The following NELL1 variants were observed in gnomAD, a reference collection of about 807,000 sequenced individuals.
The protein encoded by NELL1 is protein kinase C-binding protein NELL1.
In NELL1, 76 loss-of-function variants were observed where a neutral mutation model predicts 107.4. That is an observed-to-expected ratio of 0.71 (90% CI 0.59 to 0.86). The LOEUF (loss-of-function observed/expected upper bound fraction) is 0.86. NELL1 is among the 40% of genes least tolerant of loss of function. The pLI, the probability that NELL1 is intolerant of heterozygous loss-of-function variation, is 0.00. For synonymous variants in NELL1, 353 were observed against 341.2 expected, an observed-to-expected ratio of 1.03 and a Z score of -0.38; for missense variants, 1,024 against 1,005.5, an observed-to-expected ratio of 1.02 and a Z score of -0.25.
intron 14 of NELL1, among the ~76,000 whole-genome samples, chr11:21,309,281 T>TATATATATATATATATATATA (rs1849685009): frequency 1.5e-4 from 1 of 6,628 alleles, no homozygotes; most frequent in Non-Finnish European, 3.1e-4. Context: ...TATATATATG[T>TATATATATATATATATATATA]ATATATATAT....
intron 2 of NELL1, among the ~76,000 whole-genome samples, chr11:20,695,195 A>G (rs932357759): frequency 1.3e-5 from 2 of 152,084 alleles, no homozygotes; most frequent in South Asian, 2.1e-4. Flanking sequence ...ACCTTTTGGC[A>G]TAGTCTTCAG....
chr11:21,003,425 C>G (rs1852265832), intron 12 of NELL1, among the ~76,000 whole-genome samples: 2 of 152,122 alleles, frequency 1.3e-5, no homozygotes, highest in Admixed American at 1.3e-4. Flanking sequence ...TGCTAGGTCA[C>G]ATAAATCTTG....
At chr11:21,289,266 A>G (rs887948291) in intron 14 of NELL1, among the ~76,000 whole-genome samples, 1 of 152,218 alleles carries the variant, frequency 6.6e-6, no homozygotes, top group East Asian at 1.9e-4. Context: ...TCCCAGCAAG[A>G]TCAATGCAGA....
At chr11:21,059,501 G>T (rs191175463) in intron 12 of NELL1, among the ~76,000 whole-genome samples, 23 of 151,912 alleles carry the variant, frequency 1.5e-4, no homozygotes, top group African/African-American at 4.6e-4. Context: ...ATACCAAAAG[G>T]CATCCCAATA....
chr11:21,571,235 A>G (rs1407809765), intron 18 of NELL1, among the ~76,000 whole-genome samples: 1 of 151,958 alleles, frequency 6.6e-6, no homozygotes, highest in Non-Finnish European at 1.5e-5. Flanking sequence ...GAAGCTTTCA[A>G]AACCTTGACT....
intron 15 of NELL1, among the ~76,000 whole-genome samples, chr11:21,409,465 A>G (rs1400488552): frequency 6.6e-6 from 1 of 152,024 alleles, no homozygotes; most frequent in Non-Finnish European, 1.5e-5. Flanking sequence ...TAGCATTAGG[A>G]GATATACCTA....
chr11:21,467,738 A>C (rs1424834722), intron 15 of NELL1, among the ~76,000 whole-genome samples: 2 of 152,058 alleles, frequency 1.3e-5, no homozygotes, highest in East Asian at 1.9e-4. Flanking sequence ...GTGCTAAAGA[A>C]GGTATTACAA....
chr11:20,930,761 C>G (rs1358915980), intron 9 of NELL1, among the ~76,000 whole-genome samples: 1 of 148,374 alleles, frequency 6.7e-6, no homozygotes, highest in Non-Finnish European at 1.5e-5. Flanking sequence ...GAAAATAACT[C>G]AATTTTATTA....
rs535466560 is a variant in NELL1 at position 21,076,330 on chromosome 11, T to C, written c.1301-37259T>C. 2.8e-3 allele frequency among the ~76,000 whole-genome samples: 433 copies of C among 152,348 alleles called. 4 individuals carry two copies. The highest frequency in any genetic ancestry group is 9.8e-3 in the African/African-American group (409 of 41,588). On this transcript the variant is annotated intron_variant, in intron 12 of 19. Coordinates refer to ENST00000357134, the MANE Select transcript of NELL1 (RefSeq NM_006157.5). The stretch of plus-strand genomic sequence containing the variant: ...CCCCTCACTTTCATCCACTAGAGCC[T>C]GTAACTGTAAACAAGGTTTGGGACG...
chr11:20,955,318 C>T (rs954892701), intron 11 of NELL1, among the ~76,000 whole-genome samples: 1 of 152,214 alleles, frequency 6.6e-6, no homozygotes, highest in African/African-American at 2.4e-5. Flanking sequence ...CTGGATGTAA[C>T]TCATCTAGGC....
At chr11:20,671,778 G>A (rs1273344820) in intron 1 of NELL1, among the ~76,000 whole-genome samples, 1 of 151,898 alleles carries the variant, frequency 6.6e-6, no homozygotes, top group Non-Finnish European at 1.5e-5. Context: ...TTGATGGGGG[G>A]GGTGGTGGAG....
intron 13 of NELL1, among the ~76,000 whole-genome samples, chr11:21,200,734 C>G (rs1289228096): frequency 6.6e-6 from 1 of 152,106 alleles, no homozygotes; most frequent in Non-Finnish European, 1.5e-5. Flanking sequence ...ATGGTATTGC[C>G]TAGGTTTTCT....
chr11:20,871,941 C>T lies in NELL1; in HGVS notation c.507-13503C>T, dbSNP rs186044678. 8.8e-3 allele frequency among the ~76,000 whole-genome samples: 1,304 copies of T among 148,364 alleles called. 13 individuals are homozygous for T. Among genetic ancestry groups the T allele is most frequent in the African/African-American group, 0.03 (1,211 of 40,638 alleles). On this transcript the variant is annotated intron_variant, in intron 4 of 19. Coordinates refer to ENST00000357134, the MANE Select transcript of NELL1 (RefSeq NM_006157.5). ...GGCTGAGGTGGGAGAATGGCATGAA[C>T]CTGGGAGGCGGAGCTTGCAGTGAGC...
At chr11:21,161,000 T>TACACAC (rs72029062) in intron 13 of NELL1, among the ~76,000 whole-genome samples, 6,076 of 143,172 alleles carry the variant, frequency 0.042, 142 homozygotes, top group Admixed American at 0.074. Flanking sequence ...CTAGCCTTTA[T>TACACAC]ACACACACAC....
chr11:20,996,038 C>G (rs1852084031), intron 12 of NELL1, among the ~76,000 whole-genome samples: 1 of 152,180 alleles, frequency 6.6e-6, no homozygotes, highest in African/African-American at 2.4e-5. Context: ...CTTCAGGTAT[C>G]AGGGTTGAAA....
intron 4 of NELL1, among the ~76,000 whole-genome samples, chr11:20,857,589 A>C (rs1490772207): frequency 6.6e-6 from 1 of 152,212 alleles, no homozygotes; most frequent in Non-Finnish European, 1.5e-5. Context: ...CTGGAAGGAC[A>C]CAGCACCAAG....
intron 15 of NELL1, among the ~76,000 whole-genome samples, chr11:21,424,438 T>C (rs1852770054): frequency 6.6e-6 from 1 of 151,984 alleles, no homozygotes; most frequent in Non-Finnish European, 1.5e-5. Flanking sequence ...CTGGCCAACA[T>C]GGTGAAACCC....
chr11:21,060,939 A>G (rs1853725837), intron 12 of NELL1, among the ~76,000 whole-genome samples: 1 of 152,076 alleles, frequency 6.6e-6, no homozygotes, highest in Non-Finnish European at 1.5e-5. Context: ...GTTTCACCCT[A>G]TTGGTCAGGC....
At chr11:21,275,635 A>G (rs1456562281) in intron 14 of NELL1, among the ~76,000 whole-genome samples, 5 of 152,208 alleles carry the variant, frequency 3.3e-5, no homozygotes, top group Admixed American at 2.6e-4. Context: ...GATGAACATC[A>G]ATGCAAAAAT....
Sources: gnomAD v4.1 joint callset for allele counts (sites outside exome capture counted in the v4.1 genomes callset) on GRCh38, gnomAD v4.1.1 for gene constraint, MANE v1.5 for transcripts, NCBI Gene and HGNC (gene_info 2026-07-23, HGNC 2026-07-21) for gene names.